Variants in ANXA10 observed in about 807,000 individuals in gnomAD.
ANXA10 encodes the protein annexin A10.
ANXA10 carries 49 observed loss-of-function variants against 53.5 expected under a neutral mutation model. That is an observed-to-expected ratio of 0.92 (90% CI 0.73 to 1.16). The LOEUF (loss-of-function observed/expected upper bound fraction) is 1.16. ANXA10 is among the 50% of genes most tolerant of loss of function. ANXA10 has a pLI of 0.00. For synonymous variants in ANXA10, 131 were observed against 128.9 expected (o/e 1.02, Z -0.11); for missense variants, 393 against 394.4 (o/e 1.00, Z 0.03).
chr4:168,183,584 T>C (rs1304503410), intron 10 of ANXA10, among the ~76,000 whole-genome samples: 4 of 152,210 alleles, frequency 2.6e-5, no homozygotes, highest in Non-Finnish European at 5.9e-5. Flanking sequence ...GTGTATGTGT[T>C]ATAAGGCAAT....
chr4:168,187,503 A>G lies in ANXA10; in HGVS notation c.*69A>G, dbSNP rs917814960. ...CTTCCAAATAGAGATTTTCTCACAA[A>G]TTTGTACTGTTCATGGCACTATTAA... On this transcript the variant is annotated 3_prime_UTR_variant, in exon 12 of 12. Coordinates refer to ENST00000359299, the MANE Select transcript of ANXA10 (RefSeq NM_007193.5). 3 of 1,054,478 alleles carry G rather than the reference A, an allele frequency of 2.8e-6. No individual in the cohort carries two copies. Among genetic ancestry groups the G allele is most frequent in the Admixed American group, 4.7e-5 (2 of 42,628 alleles). The allele number at this position is 1,054,478 out of a possible 1,614,324, so 65.3% of individuals were successfully genotyped here.
intron 3 of ANXA10, among the ~76,000 whole-genome samples, chr4:168,156,104 A>AT (rs1324783231): frequency 0.052 from 1,474 of 28,138 alleles, 31 homozygotes; most frequent in Middle Eastern, 0.077. Context: ...ATTATATATA[A>AT]ATATTATATT....
chr4:168,177,843 G>C (rs530078189), intron 7 of ANXA10, 47 bp from the exon 8 acceptor site: 2 of 1,613,972 alleles, frequency 1.2e-6, no homozygotes, highest in East Asian at 4.5e-5. Flanking sequence ...GGGTTAAAAT[G>C]GGCTGGAGTG....
chr4:168,099,929 G>T lies in ANXA10; in HGVS notation c.18+7211G>T, dbSNP rs928662697. ...TGCCAACAATAACAGAGAAACAAGT[G>T]AGTTAGTCCCTTTCAAATATTAGGC... On this transcript the variant is annotated intron_variant, in intron 1 of 11. Coordinates refer to ENST00000359299, the MANE Select transcript of ANXA10 (RefSeq NM_007193.5). Among the ~76,000 whole-genome samples, 16 of 152,092 alleles carry T rather than the reference G, an allele frequency of 1.1e-4. 1 individual carries two copies. The highest frequency in any genetic ancestry group is 3.9e-4 in the African/African-American group (16 of 41,420).
At chr4:168,144,505 T>G (rs1731377020) in intron 3 of ANXA10, among the ~76,000 whole-genome samples, 1 of 152,204 alleles carries the variant, frequency 6.6e-6, no homozygotes, top group African/African-American at 2.4e-5. Flanking sequence ...TACTTACCAC[T>G]AGAAAATTGA....
In ANXA10 at chr4:168,147,093, A is replaced by C. The variant is rs112204307; in HGVS notation, c.195+7513A>C. Among the ~76,000 whole-genome samples the C allele has an allele frequency of 8.1e-3, 1,237 of 152,284 alleles. 13 individuals carry two copies. Among genetic ancestry groups the C allele is most frequent in the Non-Finnish European group, 0.014 (920 of 68,014 alleles). On this transcript the variant is annotated intron_variant, in intron 3 of 11. Coordinates refer to ENST00000359299, the MANE Select transcript of ANXA10 (RefSeq NM_007193.5). Reference sequence around the variant, plus strand: ...GCTGATTTCCCCAAAAGTTTCCCCCAGTGGAATAGCTACCATTTTTTTCAT... The same window carrying C: ...GCTGATTTCCCCAAAAGTTTCCCCCCGTGGAATAGCTACCATTTTTTTCAT...
intron 1 of ANXA10, among the ~76,000 whole-genome samples, chr4:168,107,934 G>A (rs1023517422): frequency 1.3e-5 from 2 of 152,100 alleles, no homozygotes; most frequent in African/African-American, 4.8e-5. Context: ...TTACTTTTCT[G>A]TTACTCTTAG....
chr4:168,122,309 C>A (rs932334143), intron 1 of ANXA10, among the ~76,000 whole-genome samples: 4 of 152,098 alleles, frequency 2.6e-5, no homozygotes, highest in Admixed American at 6.5e-5. Flanking sequence ...AGGAAGTTTC[C>A]GACTGAGATC....
intron 3 of ANXA10, among the ~76,000 whole-genome samples, chr4:168,150,164 T>C (rs1731473584): frequency 6.6e-6 from 1 of 152,234 alleles, no homozygotes; most frequent in African/African-American, 2.4e-5. Flanking sequence ...AAATCATGTA[T>C]ACTGTTAAAA....
chr4:168,122,093 G>T (rs1469074893), intron 1 of ANXA10, among the ~76,000 whole-genome samples: 2 of 152,002 alleles, frequency 1.3e-5, no homozygotes, highest in Non-Finnish European at 2.9e-5. Flanking sequence ...CACCCACCTC[G>T]CCTCCCAAAG....
chr4:168,178,958 G>A (rs1451136484), intron 8 of ANXA10, among the ~76,000 whole-genome samples: 1 of 152,122 alleles, frequency 6.6e-6, no homozygotes, highest in Non-Finnish European at 1.5e-5. Flanking sequence ...AATCAGCAGT[G>A]AGTTAGTGGG....
intron 1 of ANXA10, among the ~76,000 whole-genome samples, chr4:168,118,633 T>C (rs1487698809): frequency 1.3e-5 from 2 of 152,164 alleles, no homozygotes; most frequent in Non-Finnish European, 2.9e-5. Flanking sequence ...AAGGGTGTAC[T>C]CTCCTTAGAA....
intron 3 of ANXA10, among the ~76,000 whole-genome samples, chr4:168,156,265 T>C (rs796768539): frequency 2.4e-5 from 1 of 41,934 alleles, no homozygotes; most frequent in Non-Finnish European, 4.3e-5. Context: ...ATATAATGTA[T>C]ATATTATATA....
At chr4:168,185,132 C>A (rs760731331) in intron 11 of ANXA10, among the ~76,000 whole-genome samples, 2 of 151,576 alleles carry the variant, frequency 1.3e-5, no homozygotes, top group Non-Finnish European at 2.9e-5. Context: ...CCAGCCTGGG[C>A]AACAGAGTGA....
chr4:168,181,735 A>T lies in ANXA10; in HGVS notation c.777A>T (p.Ala259=). The T allele has an allele frequency of 6.3e-7, 1 of 1,584,372 alleles. No homozygotes were observed. The highest frequency in any genetic ancestry group is 8.6e-7 in the Non-Finnish European group (1 of 1,156,412). Reference sequence around the variant, plus strand: ...ATTTTGCTTATAGATTATATAGTGCAATTCATGTAAGTAAGACATATATTT... The same window carrying T: ...ATTTTGCTTATAGATTATATAGTGCTATTCATGTAAGTAAGACATATATTT... ...PAYFAYRLYS[A]IHDFGFHNKT... is the part of the protein sequence containing the mutation. Residue 259 remains alanine (A), a synonymous_variant, in exon 10 of 12, where the codon GCA becomes GCT. Transcript: ENST00000359299.
At chr4:168,131,469 G>A (rs930834097) in intron 2 of ANXA10, among the ~76,000 whole-genome samples, 1 of 152,010 alleles carries the variant, frequency 6.6e-6, no homozygotes, top group African/African-American at 2.4e-5. Context: ...GCATTCTATA[G>A]ATGTTAATTA....
chr4:168,173,923 C>A (rs7661176), intron 6 of ANXA10, among the ~76,000 whole-genome samples: 2 of 151,602 alleles, frequency 1.3e-5, no homozygotes, highest in Non-Finnish European at 2.9e-5. Context: ...CAGCACATAC[C>A]CCCCCATTCT....
chr4:168,183,918 GTT>G (rs1200417400), intron 10 of ANXA10, among the ~76,000 whole-genome samples: 1 of 152,094 alleles, frequency 6.6e-6, no homozygotes, highest in African/African-American at 2.4e-5. Context: ...CGATTACTCT[GTT>G]TGGAAAGACA....
At chr4:168,132,014 C>T (rs1731163131) in intron 2 of ANXA10, among the ~76,000 whole-genome samples, 1 of 152,028 alleles carries the variant, frequency 6.6e-6, no homozygotes, top group Non-Finnish European at 1.5e-5. Flanking sequence ...TACCCTTGTA[C>T]ATTGTTTCTG....
Sources: allele counts gnomAD v4.1 joint callset (sites outside exome capture counted in the v4.1 genomes callset), GRCh38; gene constraint gnomAD v4.1.1; transcripts MANE v1.5; gene names NCBI Gene and HGNC (gene_info 2026-07-23, HGNC 2026-07-21).